The following LARGE1 variants were observed in gnomAD, a reference collection of about 807,000 sequenced individuals.
LARGE1 encodes the protein xylosyl- and glucuronyltransferase LARGE1.
Under a neutral mutation model 87.6 loss-of-function variants are expected in LARGE1, and 43 were observed. The observed-to-expected ratio is 0.49, with a 90% CI of 0.38 to 0.63. The LOEUF (loss-of-function observed/expected upper bound fraction) is 0.63. LARGE1 is among the 30% of genes least tolerant of loss of function. The pLI is 0.00. For synonymous variants in LARGE1, 434 were observed against 394.6 expected, an observed-to-expected ratio of 1.10 and a Z score of -1.18; for missense variants, 802 against 1,000.2, an observed-to-expected ratio of 0.80 and a Z score of 2.67.
chr22:33,647,865 C>G (rs2080668515), intron 3 of LARGE1, among the ~76,000 whole-genome samples: 1 of 152,068 alleles, frequency 6.6e-6, no homozygotes, highest in Non-Finnish European at 1.5e-5. Context: ...TTAAACGATT[C>G]TCCTGCCTCA....
chr22:33,444,641 A>G (rs2067615696), intron 6 of LARGE1, among the ~76,000 whole-genome samples: 1 of 152,254 alleles, frequency 6.6e-6, no homozygotes, highest in Non-Finnish European at 1.5e-5. Flanking sequence ...ACTTACTAAA[A>G]GGATAAAGGT....
At chr22:33,153,352 T>C in the LARGE1 span, among the ~76,000 whole-genome samples, 1 of 152,242 alleles carries the variant, frequency 6.6e-6, no homozygotes, top group Admixed American at 6.5e-5. Flanking sequence ...ATTTCTTGAT[T>C]ATCAATAACT....
chr22:33,294,426 C>T (rs943014692), intron 12 of LARGE1, among the ~76,000 whole-genome samples: 2 of 152,106 alleles, frequency 1.3e-5, no homozygotes, highest in African/African-American at 4.8e-5. Context: ...ATACAAGTTC[C>T]CAGGGACTCC....
chr22:33,278,836 C>T (rs1354542497), intron 13 of LARGE1, among the ~76,000 whole-genome samples: 1 of 152,210 alleles, frequency 6.6e-6, no homozygotes, highest in East Asian at 1.9e-4. Flanking sequence ...TCTCCTGCCT[C>T]AGCCTCCCAA....
chr22:33,898,401 T>C (rs926878207), intron 1 of LARGE1, among the ~76,000 whole-genome samples: 5 of 152,220 alleles, frequency 3.3e-5, no homozygotes, highest in South Asian at 2.1e-4. Context: ...CAAAGCACTT[T>C]ACACCACGTA....
At chr22:33,611,307 C>G (rs547610077) in intron 4 of LARGE1, among the ~76,000 whole-genome samples, 1 of 152,376 alleles carries the variant, frequency 6.6e-6, no homozygotes, top group Non-Finnish European at 1.5e-5. Flanking sequence ...GCTGCAGGGG[C>G]TGTACACTGC....
chr22:33,513,811 G>GTACACACACACACA (rs1279449692), intron 6 of LARGE1, among the ~76,000 whole-genome samples: 30 of 65,732 alleles, frequency 4.6e-4, no homozygotes, highest in African/African-American at 1.4e-3. Context: ...AAGAGCTGAT[G>GTACACACACACACA]TACACACACA....
the LARGE1 span, among the ~76,000 whole-genome samples, chr22:33,096,651 T>C: frequency 1.3e-5 from 2 of 148,556 alleles, no homozygotes; most frequent in South Asian, 2.2e-4. Context: ...TGCAAGCTCC[T>C]CCTCCCGGGT....
chr22:33,122,359 C>CTT, the LARGE1 span, among the ~76,000 whole-genome samples: 6 of 132,338 alleles, frequency 4.5e-5, no homozygotes, highest in Non-Finnish European at 8.0e-5. Context: ...TTTTCTTTTT[C>CTT]TTTTTTTTTT....
At chr22:33,424,428 C>T (rs566382127) in intron 7 of LARGE1, among the ~76,000 whole-genome samples, 2 of 152,150 alleles carry the variant, frequency 1.3e-5, no homozygotes, top group South Asian at 2.1e-4. Flanking sequence ...GAAGGATGCT[C>T]GCTTCAGTTA....
chr22:33,407,931 C>T (rs560320388), intron 7 of LARGE1, among the ~76,000 whole-genome samples: 1 of 151,724 alleles, frequency 6.6e-6, no homozygotes, highest in Middle Eastern at 3.5e-3. Flanking sequence ...AATGGGAATA[C>T]ACATGTCATA....
At chr22:33,172,499 T>A (rs2146141046) in intron 11 of LARGE1, among the ~76,000 whole-genome samples, 1 of 152,238 alleles carries the variant, frequency 6.6e-6, no homozygotes, top group South Asian at 2.1e-4. Flanking sequence ...AGGTACTTGC[T>A]TCCCCTTCCC....
chr22:33,319,095 C>T (rs992146265), intron 10 of LARGE1, among the ~76,000 whole-genome samples: 11 of 152,210 alleles, frequency 7.2e-5, no homozygotes, highest in African/African-American at 2.7e-4. Context: ...CTCTCCCCCA[C>T]TCCCCGCCAC....
At chr22:33,877,070 C>T (rs1013365775) in intron 1 of LARGE1, among the ~76,000 whole-genome samples, 2 of 152,088 alleles carry the variant, frequency 1.3e-5, no homozygotes, top group Non-Finnish European at 2.9e-5. Context: ...CATCCAGTGA[C>T]CCCAAAGCAT....
intron 5 of LARGE1, among the ~76,000 whole-genome samples, chr22:33,595,036 T>C (rs568946385): frequency 6.6e-6 from 1 of 152,314 alleles, no homozygotes; most frequent in African/African-American, 2.4e-5. Context: ...TTAGCAGCAT[T>C]TGGTTAATTC....
chr22:33,506,669 G>A (rs577115157), intron 6 of LARGE1, among the ~76,000 whole-genome samples: 14 of 152,336 alleles, frequency 9.2e-5, no homozygotes, highest in Non-Finnish European at 1.9e-4. Flanking sequence ...GGGAGGCTGA[G>A]GCGGGTAGAT....
chr22:33,401,680 C>T (rs954486498), intron 7 of LARGE1, among the ~76,000 whole-genome samples: 2 of 151,982 alleles, frequency 1.3e-5, no homozygotes, highest in Non-Finnish European at 2.9e-5. Context: ...GGCAGACATG[C>T]GCAGAAGTGA....
intron 2 of LARGE1, among the ~76,000 whole-genome samples, chr22:33,756,829 C>A (rs907376012): frequency 6.6e-6 from 1 of 151,996 alleles, no homozygotes; most frequent in Non-Finnish European, 1.5e-5. Flanking sequence ...AGAGCCAGGG[C>A]GACAGCAGTG....
chr22:33,861,216 C>T (rs2063909211), intron 1 of LARGE1, among the ~76,000 whole-genome samples: 1 of 152,146 alleles, frequency 6.6e-6, no homozygotes, highest in Non-Finnish European at 1.5e-5. Context: ...TAAAGGAAAA[C>T]TGACATCTGA....
Sources: gnomAD v4.1 joint callset for allele counts (sites outside exome capture counted in the v4.1 genomes callset) on GRCh38, gnomAD v4.1.1 for gene constraint, MANE v1.5 for transcripts, NCBI Gene and HGNC (gene_info 2026-07-23, HGNC 2026-07-21) for gene names.